Variants in ASIP observed in about 807,000 individuals in gnomAD.
The protein encoded by ASIP is agouti-signaling protein.
A neutral mutation model predicts 10.3 loss-of-function variants in ASIP; 11 were observed. The observed-to-expected ratio is 1.07, with a 90% CI of 0.68 to 1.78. The LOEUF is 1.78. Among genes scored for constraint, ASIP ranks in the 40% most tolerant of loss-of-function variants. The probability of loss-of-function intolerance (pLI) is 0.00; values close to 1 mark genes in which losing one functional copy is unlikely to be tolerated. For synonymous variants in ASIP, 70 were observed against 70.8 expected, an observed-to-expected ratio of 0.99 and a Z score of 0.06; for missense variants, 180 against 169.2, an observed-to-expected ratio of 1.06 and a Z score of -0.35.
chr20:34,234,435 G>T (rs1195538066), intron 1 of ASIP, among the ~76,000 whole-genome samples: 1 of 152,112 alleles, frequency 6.6e-6, no homozygotes, highest in Admixed American at 6.6e-5. Flanking sequence ...TGTGGTTGAG[G>T]CCAGGCATCC....
intron 1 of ASIP, among the ~76,000 whole-genome samples, chr20:34,231,588 A>G (rs1050000155): frequency 2.0e-5 from 3 of 152,258 alleles, no homozygotes; most frequent in African/African-American, 4.8e-5. Flanking sequence ...TGAAAATTCA[A>G]TCCTCTGACT....
At chr20:34,191,290 C>G (rs2034823102), upstream of ASIP, among the ~76,000 whole-genome samples, 1 of 152,178 alleles carries the variant, frequency 6.6e-6, no homozygotes, top group Non-Finnish European at 1.5e-5. Context: ...GAAGATGTCT[C>G]TTAGATGAGG....
chr20:34,248,141 G>T (rs781060775), intron 1 of ASIP, among the ~76,000 whole-genome samples: 1 of 152,004 alleles, frequency 6.6e-6, no homozygotes, highest in Non-Finnish European at 1.5e-5. Context: ...GGGAGGTGAA[G>T]GTTGCAGTGA....
At chr20:34,213,705 A>G in intron 1 of ASIP, 4 of 1,525,666 alleles carry the variant, frequency 2.6e-6, no homozygotes, top group Non-Finnish European at 3.6e-6. Context: ...GGATGAACGG[A>G]AAAACTTCTT....
At chr20:34,191,782 A>T (rs1196640339), upstream of ASIP, among the ~76,000 whole-genome samples, 4 of 130,882 alleles carry the variant, frequency 3.1e-5, no homozygotes, top group Non-Finnish European at 6.1e-5. Flanking sequence ...CAGGCTGGAG[A>T]GCAATGGCAC....
chr20:34,258,889 A>T (rs1272287747), intron 1 of ASIP, among the ~76,000 whole-genome samples: 1 of 131,860 alleles, frequency 7.6e-6, no homozygotes, highest in East Asian at 2.1e-4. Flanking sequence ...ATATAGTATT[A>T]TATATATAGT....
intron 1 of ASIP, among the ~76,000 whole-genome samples, chr20:34,203,567 T>G (rs995041738): frequency 6.6e-6 from 1 of 151,536 alleles, no homozygotes; most frequent in Non-Finnish European, 1.5e-5. Context: ...GTGGCTAATC[T>G]TTGCATTATT....
At chr20:34,192,250 C>T (rs1207696833), upstream of ASIP, among the ~76,000 whole-genome samples, 1 of 152,120 alleles carries the variant, frequency 6.6e-6, no homozygotes, top group East Asian at 1.9e-4. Context: ...TGGCTGGTCT[C>T]AAGCCCCCGA....
At chr20:34,199,767 C>T (rs748525439) in intron 1 of ASIP, among the ~76,000 whole-genome samples, 1 of 152,174 alleles carries the variant, frequency 6.6e-6, no homozygotes, top group Non-Finnish European at 1.5e-5. Context: ...TGGAGTCACA[C>T]TGGAGCTTCA....
chr20:34,250,761 C>G (rs2035461585), intron 1 of ASIP, among the ~76,000 whole-genome samples: 1 of 152,144 alleles, frequency 6.6e-6, no homozygotes, highest in Admixed American at 6.5e-5. Context: ...CCATTCTCAT[C>G]TCTCACTACA....
chr20:34,210,262 T>C (rs74272061), intron 1 of ASIP, among the ~76,000 whole-genome samples: 2 of 152,306 alleles, frequency 1.3e-5, no homozygotes, highest in East Asian at 1.9e-4. Context: ...CTGTGGCCCT[T>C]TGGGGAGCCC....
At chr20:34,221,634 C>G (rs2035048547) in intron 1 of ASIP, among the ~76,000 whole-genome samples, 1 of 152,082 alleles carries the variant, frequency 6.6e-6, no homozygotes, top group Non-Finnish European at 1.5e-5. Flanking sequence ...CACATTTAGA[C>G]TTGATGTGGA....
Position 34,262,857 on chromosome 20 carries a change from C to T in ASIP, c.186C>T (p.Ile62=), listed in dbSNP as rs149537165. ...IVALNKKSKQ[I]GRKAAEKKRS... is the part of the protein sequence containing the mutation. ...CGCTGAACAAGAAATCCAAACAGAT[C>T]GGCAGAAAAGCAGCAGAAAAGAAAA... Residue 62 remains isoleucine (I), a synonymous_variant, in exon 3 of 4, where the codon ATC becomes ATT. Transcript: ENST00000374954. 167 of 1,613,882 alleles carry T rather than the reference C, an allele frequency of 1.0e-4. No individual in the cohort carries two copies. In the African/African-American group the frequency reaches 1.7e-3, roughly 17 times the overall value.
chr20:34,264,734 C>T (rs535802493), intron 3 of ASIP, among the ~76,000 whole-genome samples: 1 of 150,948 alleles, frequency 6.6e-6, no homozygotes, highest in East Asian at 1.9e-4. Flanking sequence ...TTCTTATAAT[C>T]GATCTCTACT....
At chr20:34,227,580 G>A (rs1049288385) in intron 1 of ASIP, among the ~76,000 whole-genome samples, 4 of 149,446 alleles carry the variant, frequency 2.7e-5, no homozygotes, top group Non-Finnish European at 4.4e-5. Flanking sequence ...GCAGTGAGCC[G>A]AGATTGTGCC....
Position 34,268,989 on chromosome 20 carries a change from A to G in ASIP, c.223-2A>G. On this transcript the variant is annotated splice_acceptor_variant, in intron 3 of 3. Coordinates refer to ENST00000374954, the MANE Select transcript of ASIP (RefSeq NM_001672.3). LOFTEE classifies it high-confidence loss of function. ...CATAAAGCCCCGGCGTTTCCCACGC[A>G]GAAGGAGGCTTCGATGAAGAAAGTG... The G allele has an allele frequency of 6.2e-7, 1 of 1,602,156 alleles. No homozygotes were observed. The highest frequency in any genetic ancestry group is 8.5e-7 in the Non-Finnish European group (1 of 1,174,916).
chr20:34,194,696 T>C (rs1281382340), exon 1 of ASIP: 5 of 152,120 alleles, frequency 3.3e-5, no homozygotes, highest in Non-Finnish European at 7.4e-5. Context: ...TCTGGAATTA[T>C]CTATTATTGA....
chr20:34,259,512 C>CA (rs770540405), intron 1 of ASIP, among the ~76,000 whole-genome samples: 2 of 150,180 alleles, frequency 1.3e-5, no homozygotes, highest in Admixed American at 6.6e-5. Flanking sequence ...GACTCTGTCT[C>CA]AAAAAAAATA....
chr20:34,250,290 A>G (rs776270592), intron 1 of ASIP, among the ~76,000 whole-genome samples: 1 of 152,266 alleles, frequency 6.6e-6, no homozygotes, highest in Non-Finnish European at 1.5e-5. Context: ...AACACCTAGT[A>G]TGGTCAGCAG....
Sources: allele counts gnomAD v4.1 joint callset (sites outside exome capture counted in the v4.1 genomes callset), GRCh38; gene constraint gnomAD v4.1.1; transcripts MANE v1.5; gene names NCBI Gene and HGNC (gene_info 2026-07-23, HGNC 2026-07-21).